Variants in NLGN1 observed in about 807,000 individuals in gnomAD.
NLGN1 encodes the protein neuroligin 1, also known as neuroligin-1.
A neutral mutation model predicts 65.5 loss-of-function variants in NLGN1; 12 were observed. The observed-to-expected ratio is 0.18, with a 90% CI of 0.12 to 0.30. The LOEUF (loss-of-function observed/expected upper bound fraction) is 0.30. Ranked by LOEUF, NLGN1 falls within the 10% of genes least tolerant of loss-of-function variation. NLGN1 has a pLI of 1.00. For missense variants in NLGN1, 750 were observed against 1,007.1 expected, an observed-to-expected ratio of 0.74 and a Z score of 3.46; for synonymous variants, 350 against 359.5, an observed-to-expected ratio of 0.97 and a Z score of 0.30.
chr3:173,487,311 G>GT lies in NLGN1; in HGVS notation c.-321+52242dup, dbSNP rs369031681. Among the ~76,000 whole-genome samples the GT allele has an allele frequency of 1.0e-3, 152 of 150,674 alleles. 1 individual carries two copies. Among genetic ancestry groups the GT allele is most frequent in the African/African-American group, 2.6e-3 (108 of 41,170 alleles). On this transcript the variant is annotated intron_variant, in intron 2 of 6. Coordinates refer to ENST00000457714, the Ensembl canonical transcript of NLGN1. ...CTAAGCCTTGGTTTGGGAATTAGGA[G>GT]TTTTTTTTTATTATTTCTACTTTTG...
chr3:174,003,626 T>C (rs1723758441), intron 4 of NLGN1, among the ~76,000 whole-genome samples: 1 of 152,178 alleles, frequency 6.6e-6, no homozygotes, highest in Non-Finnish European at 1.5e-5. Flanking sequence ...AAAGAATTTT[T>C]AAAAACTCTA....
intron 4 of NLGN1, among the ~76,000 whole-genome samples, chr3:174,094,559 G>A (rs1267086469): frequency 2.0e-5 from 3 of 151,580 alleles, no homozygotes; most frequent in Admixed American, 6.6e-5. Context: ...TCATTCAGAC[G>A]TTATCATTAC....
chr3:174,141,832 A>G (rs9290494), intron 4 of NLGN1, among the ~76,000 whole-genome samples: 33,095 of 152,074 alleles, frequency 0.22, 6,740 homozygotes, highest in African/African-American at 0.54. Context: ...ACAGGATATG[A>G]TACAGAAGGA....
chr3:174,085,402 T>C (rs1401633791), intron 4 of NLGN1, among the ~76,000 whole-genome samples: 1 of 152,064 alleles, frequency 6.6e-6, no homozygotes, highest in African/African-American at 2.4e-5. Context: ...AAGTCAGGTG[T>C]GAATTAAAGT....
chr3:173,788,616 A>G (rs747818839), intron 3 of NLGN1, among the ~76,000 whole-genome samples: 46 of 152,096 alleles, frequency 3.0e-4, no homozygotes, highest in Non-Finnish European at 4.3e-4. Flanking sequence ...AACTGACCAA[A>G]AGTCTAACAG....
chr3:174,129,754 T>C (rs919991771), intron 4 of NLGN1, among the ~76,000 whole-genome samples: 1 of 152,208 alleles, frequency 6.6e-6, no homozygotes, highest in African/African-American at 2.4e-5. Flanking sequence ...TTTTAAAGTA[T>C]GCAAAGTTAA....
chr3:173,717,709 A>G lies in NLGN1; in HGVS notation c.494-89971A>G, dbSNP rs554518519. ...TAATGCTTTCAATCTGTATGTGGCA[A>G]TTTACAGTTATGTGAGTCCTGCAAG... On this transcript the variant is annotated intron_variant, in intron 3 of 6. Transcript: ENST00000457714. Among the ~76,000 whole-genome samples the G allele has an allele frequency of 9.9e-5, 15 of 152,130 alleles. 1 individual carries two copies. The highest frequency in any genetic ancestry group is 9.2e-4 in the Admixed American group (14 of 15,264).
At chr3:173,669,030 A>G (rs1004627823) in intron 3 of NLGN1, among the ~76,000 whole-genome samples, 5 of 152,222 alleles carry the variant, frequency 3.3e-5, no homozygotes, top group African/African-American at 2.4e-5. Context: ...GTGGATTATC[A>G]TAAGTGTAAA....
intron 3 of NLGN1, among the ~76,000 whole-genome samples, chr3:173,727,101 T>G (rs1175783354): frequency 1.4e-4 from 21 of 152,238 alleles, no homozygotes; most frequent in African/African-American, 5.1e-4. Context: ...GTCAGGGATT[T>G]GCTTGATTTG....
At chr3:174,080,545 G>C (rs1278826992) in intron 4 of NLGN1, among the ~76,000 whole-genome samples, 1 of 152,132 alleles carries the variant, frequency 6.6e-6, no homozygotes, top group Admixed American at 6.5e-5. Flanking sequence ...GGGATGGGCT[G>C]GCACATGTGC....
intron 4 of NLGN1, among the ~76,000 whole-genome samples, chr3:173,978,075 TG>T (rs1717916611): frequency 6.6e-6 from 1 of 152,058 alleles, no homozygotes; most frequent in Non-Finnish European, 1.5e-5. Flanking sequence ...TCAGTGTTTA[TG>T]AGAGATAAGG....
At chr3:173,551,028 C>T (rs140013301) in intron 2 of NLGN1, among the ~76,000 whole-genome samples, 2 of 152,246 alleles carry the variant, frequency 1.3e-5, no homozygotes, top group African/African-American at 4.8e-5. Flanking sequence ...TCTGCCTTTA[C>T]TGCATTATCA....
rs200212547 is a variant in NLGN1, at chr3:173,818,895, C to CTTTTTTTTTTTTTTTTTTTTTTT, written c.646+11079_646+11080insTTTTTTTTTTTTTTTTTTTTTTT. Among the ~76,000 whole-genome samples, 6 of 92,400 alleles carry CTTTTTTTTTTTTTTTTTTTTTTT rather than the reference C, an allele frequency of 6.5e-5. 1 individual carries two copies. Among genetic ancestry groups the CTTTTTTTTTTTTTTTTTTTTTTT allele is most frequent in the African/African-American group, 1.4e-4 (3 of 21,200 alleles). The allele number at this position is 92,400 out of a possible 152,430, so 60.6% of individuals were successfully genotyped here. ...AATTTTGTTCTGCCTTTGAATAGTTCTTTTTTTTTTTTTTTTCCAGTAAGG... is the reference window on the plus strand; with the variant it reads ...AATTTTGTTCTGCCTTTGAATAGTTCTTTTTTTTTTTTTTTTTTTTTTTTTTTTTTTTTTTTTTTCCAGTAAGG... On this transcript the variant is annotated intron_variant, in intron 4 of 6. Coordinates refer to ENST00000457714, the Ensembl canonical transcript of NLGN1.
chr3:173,798,513 A>G (rs1433494408), intron 3 of NLGN1, among the ~76,000 whole-genome samples: 3 of 152,152 alleles, frequency 2.0e-5, no homozygotes, highest in South Asian at 2.1e-4. Context: ...AAATGTAGCT[A>G]TGTTGTTGCA....
intron 4 of NLGN1, among the ~76,000 whole-genome samples, chr3:174,054,806 G>A (rs189365194): frequency 2.6e-5 from 4 of 152,088 alleles, no homozygotes; most frequent in South Asian, 2.1e-4. Context: ...CGCAATGTCC[G>A]ATCTTATTTC....
At chr3:173,861,180 TAAA>T (rs1704993095) in intron 4 of NLGN1, among the ~76,000 whole-genome samples, 2 of 152,076 alleles carry the variant, frequency 1.3e-5, no homozygotes, top group South Asian at 4.1e-4. Context: ...CTTGATGACA[TAAA>T]AACAATAATA....
At chr3:174,098,510 G>C (rs1711615938) in intron 4 of NLGN1, among the ~76,000 whole-genome samples, 1 of 152,124 alleles carries the variant, frequency 6.6e-6, no homozygotes. Context: ...GATTTTTCCA[G>C]TGTAGTAGAT....
chr3:173,546,812 C>CTA (rs1223979394), intron 2 of NLGN1, among the ~76,000 whole-genome samples: 1 of 152,090 alleles, frequency 6.6e-6, no homozygotes, highest in African/African-American at 2.4e-5. Flanking sequence ...CACCAATGTT[C>CTA]TATATCTTGG....
chr3:173,635,738 A>G (rs1204579934), intron 3 of NLGN1, among the ~76,000 whole-genome samples: 7 of 152,168 alleles, frequency 4.6e-5, no homozygotes, highest in Non-Finnish European at 8.8e-5. Context: ...GGCATATTTT[A>G]TATCAATGAA....
Sources: gnomAD v4.1 joint callset for allele counts (sites outside exome capture counted in the v4.1 genomes callset) on GRCh38, gnomAD v4.1.1 for gene constraint, MANE v1.5 for transcripts, NCBI Gene and HGNC (gene_info 2026-07-23, HGNC 2026-07-21) for gene names.